Variants in CHD7 observed in about 807,000 individuals in gnomAD.
CHD7 encodes the protein chromodomain helicase DNA binding protein 7.
Under a neutral mutation model 307.3 loss-of-function variants are expected in CHD7, and 24 were observed. The observed-to-expected ratio is 0.08, with a 90% CI of 0.06 to 0.11. The LOEUF is 0.11. Ranked by LOEUF, CHD7 falls within the 10% of genes least tolerant of loss-of-function variation. CHD7 has a pLI of 1.00. For missense variants in CHD7, 3,106 were observed against 3,727.1 expected, an observed-to-expected ratio of 0.83 and a Z score of 4.34; for synonymous variants, 1,363 against 1,349.9, an observed-to-expected ratio of 1.01 and a Z score of -0.21.
chr8:60,727,269 G>A (rs1311728299), intron 1 of CHD7, among the ~76,000 whole-genome samples: 1 of 152,108 alleles, frequency 6.6e-6, no homozygotes, highest in Non-Finnish European at 1.5e-5. Context: ...TGGGACTACA[G>A]GCATTTGCCA....
At position 60,766,967 on chromosome 8, in the gene CHD7, C is replaced by T. The variant is rs866707479; in HGVS notation, c.1666-14033C>T. The stretch of plus-strand genomic sequence containing the variant: ...CACAGATAGAGTTGAGATCCAAACT[C>T]GGAGGCCTGGAGCGCCCCAGAAATT... On this transcript the variant is annotated intron_variant, in intron 2 of 37. Coordinates refer to ENST00000423902, the MANE Select transcript of CHD7 (RefSeq NM_017780.4). Among the ~76,000 whole-genome samples the T allele has an allele frequency of 3.9e-5, 6 of 152,242 alleles. No individual in the cohort carries two copies. The Middle Eastern group carries it at 0.01, about 259-fold the overall frequency.
chr8:60,821,339 A>G (rs1041241998), intron 9 of CHD7, among the ~76,000 whole-genome samples: 1 of 152,260 alleles, frequency 6.6e-6, no homozygotes, highest in Middle Eastern at 3.4e-3. Context: ...GATTTTGATA[A>G]AAGGCTAATT....
intron 1 of CHD7, among the ~76,000 whole-genome samples, chr8:60,730,400 G>A (rs188860091): frequency 2.1e-4 from 32 of 152,258 alleles, no homozygotes; most frequent in African/African-American, 5.5e-4. Context: ...GGCATGTTTC[G>A]CTGTGTGATA....
intron 1 of CHD7, among the ~76,000 whole-genome samples, chr8:60,706,272 T>C (rs151115033): frequency 6.6e-6 from 1 of 152,312 alleles, no homozygotes; most frequent in Non-Finnish European, 1.5e-5. Flanking sequence ...GTTGAACGAT[T>C]ATGAATTGCT....
intron 13 of CHD7, among the ~76,000 whole-genome samples, chr8:60,827,575 C>T (rs144254139): frequency 4.2e-4 from 64 of 152,224 alleles, no homozygotes; most frequent in Admixed American, 2.3e-3. Flanking sequence ...TTGATCCTTA[C>T]TGTTTATGAA....
chr8:60,780,828 A>G (rs1446698389), intron 2 of CHD7, among the ~76,000 whole-genome samples, 172 bp from the exon 3 acceptor site: 3 of 152,286 alleles, frequency 2.0e-5, no homozygotes, highest in Admixed American at 6.5e-5. Flanking sequence ...TCTCTTAAAC[A>G]TACATTTTTT....
chr8:60,798,072 A>G (rs1470863992), intron 4 of CHD7, among the ~76,000 whole-genome samples: 1 of 152,324 alleles, frequency 6.6e-6, no homozygotes, highest in African/African-American at 2.4e-5. Context: ...AGGTCCACAA[A>G]ATTACTTGTC....
At chr8:60,761,245 A>G (rs1266918082) in intron 2 of CHD7, among the ~76,000 whole-genome samples, 1 of 150,416 alleles carries the variant, frequency 6.6e-6, no homozygotes, top group East Asian at 2.0e-4. Flanking sequence ...CGCAAGAACA[A>G]AAAACCAAAC....
intron 21 of CHD7, 97 bp downstream of exon 21, chr8:60,842,149 T>C: frequency 9.9e-7 from 1 of 1,011,596 alleles, no homozygotes; most frequent in Non-Finnish European, 1.4e-6. Flanking sequence ...TGAATTTGTG[T>C]GACACCCCTT....
chr8:60,723,690 G>A (rs1241045942), intron 1 of CHD7, among the ~76,000 whole-genome samples: 2 of 152,196 alleles, frequency 1.3e-5, no homozygotes, highest in East Asian at 1.9e-4. Context: ...AACGCGAATG[G>A]TTAGAACGTT....
chr8:60,847,528 A>T (rs1330417664), intron 23 of CHD7, among the ~76,000 whole-genome samples: 1 of 152,234 alleles, frequency 6.6e-6, no homozygotes, highest in African/African-American at 2.4e-5. Context: ...GTACAAGTAC[A>T]TGATGGGATT....
chr8:60,839,157 G>A (rs544670625), intron 19 of CHD7, among the ~76,000 whole-genome samples: 1 of 152,132 alleles, frequency 6.6e-6, no homozygotes, highest in Non-Finnish European at 1.5e-5. Flanking sequence ...GCCTTCTCTG[G>A]ACAGTGGACA....
At chr8:60,797,611 G>T (rs1011016436) in intron 4 of CHD7, among the ~76,000 whole-genome samples, 3 of 152,172 alleles carry the variant, frequency 2.0e-5, no homozygotes, top group Non-Finnish European at 4.4e-5. Flanking sequence ...ATGAAACATG[G>T]CAGGTAGATC....
chr8:60,811,171 A>G (rs1442184585), intron 7 of CHD7, among the ~76,000 whole-genome samples: 5 of 152,098 alleles, frequency 3.3e-5, no homozygotes, highest in Non-Finnish European at 4.4e-5. Flanking sequence ...TTTGATACAC[A>G]GTATGTTTCT....
intron 2 of CHD7, among the ~76,000 whole-genome samples, chr8:60,761,650 G>T (rs1810213968): frequency 1.3e-5 from 2 of 151,648 alleles, no homozygotes; most frequent in African/African-American, 4.9e-5. Flanking sequence ...GTTCATCCAG[G>T]CTTCCCTATA....
At chr8:60,823,433 AGATAGAT>A (rs950271975) in intron 12 of CHD7, among the ~76,000 whole-genome samples, 6 of 145,074 alleles carry the variant, frequency 4.1e-5, no homozygotes, top group Middle Eastern at 3.3e-3. Flanking sequence ...ATAGATAGAT[AGATAGAT>A]GTGTGTGTGC....
At chr8:60,811,496 TA>T (rs1638672735) in intron 7 of CHD7, among the ~76,000 whole-genome samples, 1 of 152,236 alleles carries the variant, frequency 6.6e-6, no homozygotes, top group South Asian at 2.1e-4. Flanking sequence ...CATCTGTTCA[TA>T]GGGGTCCTCC....
At position 60,800,557 on chromosome 8, in the gene CHD7, C is replaced by T. The variant is rs1413509575; in HGVS notation, c.2376+32C>T. On this transcript the variant is annotated intron_variant, in intron 5 of 37. Coordinates refer to ENST00000423902, the MANE Select transcript of CHD7 (RefSeq NM_017780.4). ...ACCAGATCTGTGGGATTTATGGATG[C>T]ATTTTAAAGATGGACTAGAAATTTC... 6.0e-6 allele frequency: 8 copies of T among 1,332,392 alleles called. No homozygotes were observed. In the African/African-American group the frequency reaches 1.3e-4, roughly 22 times the overall value. 82.5% of individuals were successfully genotyped at this position (1,332,392 alleles called of 1,614,324 possible). A position where few individuals can be genotyped will look rare whatever the true frequency, so the allele number is the denominator to read the frequency against.
chr8:60,697,783 C>T (rs1806557403), intron 1 of CHD7, among the ~76,000 whole-genome samples: 1 of 152,184 alleles, frequency 6.6e-6, no homozygotes, highest in South Asian at 2.1e-4. Flanking sequence ...GAACTTAAAT[C>T]TCTAATCTTT....
Sources: gnomAD v4.1 joint callset for allele counts (sites outside exome capture counted in the v4.1 genomes callset) on GRCh38, gnomAD v4.1.1 for gene constraint, MANE v1.5 for transcripts, NCBI Gene and HGNC (gene_info 2026-07-23, HGNC 2026-07-21) for gene names.